RHEB: variants seen among roughly 807,000 people sequenced by gnomAD.
RHEB encodes Ras homolog, mTORC1 binding.
In RHEB, 2 loss-of-function variants were observed where a neutral mutation model predicts 28.8. The observed-to-expected ratio is 0.07, with a 90% CI of 0.03 to 0.22. RHEB has a LOEUF of 0.22. Among genes scored for constraint, RHEB ranks in the 10% least tolerant of loss-of-function variants. RHEB has a pLI of 1.00. For synonymous variants in RHEB, 69 were observed against 77.3 expected (o/e 0.89, Z 0.56); for missense variants, 76 against 219.9 (o/e 0.35, Z 4.14).
chr7:151,477,497 C>G, intron 3 of RHEB, 82 bp from the exon 4 acceptor site: 1 of 759,800 alleles, frequency 1.3e-6, no homozygotes, highest in South Asian at 1.6e-5. Context: ...CATGTATTAC[C>G]TGAAGAAATC....
chr7:151,510,538 TAG>T, intron 1 of RHEB, among the ~76,000 whole-genome samples: 3 of 152,202 alleles, frequency 2.0e-5, no homozygotes, highest in African/African-American at 7.2e-5. Context: ...TTATTCTCAG[TAG>T]CAGGAACAAG....
At chr7:151,498,802 A>G (rs771379950) in intron 1 of RHEB, among the ~76,000 whole-genome samples, 1 of 149,364 alleles carries the variant, frequency 6.7e-6, no homozygotes, top group African/African-American at 2.6e-5. Flanking sequence ...CCTTTTGTAG[A>G]ATAAGATTAA....
chr7:151,466,965 G>A lies in RHEB; in HGVS notation c.*154C>T, dbSNP rs1167795491. 3.3e-6 allele frequency: 2 copies of A among 605,882 alleles called. No homozygotes were observed. The highest frequency in any genetic ancestry group is 3.7e-5 in the African/African-American group (2 of 53,732). 37.5% of individuals were successfully genotyped at this position (605,882 alleles called of 1,614,324 possible). ...GTGAACTCATTTGGACAGACTCAGA[G>A]TTAACATAATCTGAAGGGAGGGGAG... is the stretch of plus-strand genomic sequence containing the variant. On this transcript the variant is annotated 3_prime_UTR_variant, in exon 8 of 8. Transcript: ENST00000262187.
At chr7:151,485,747 G>T (rs763370313) in intron 2 of RHEB, among the ~76,000 whole-genome samples, 1 of 152,202 alleles carries the variant, frequency 6.6e-6, no homozygotes, top group Non-Finnish European at 1.5e-5. Flanking sequence ...ATTGATCAGA[G>T]ATCTTATCTG....
chr7:151,476,427 T>C lies in RHEB; in HGVS notation c.275+906A>G, dbSNP rs558475119. On this transcript the variant is annotated intron_variant, in intron 4 of 7. Transcript: ENST00000262187. Reference sequence around the variant, plus strand: ...ACACTTCTATCACCGCAGTAAGTTCTATTGGACAGTGTCAGCCTTGACTGT... The same window carrying C: ...ACACTTCTATCACCGCAGTAAGTTCCATTGGACAGTGTCAGCCTTGACTGT... Among the ~76,000 whole-genome samples, 13 of 152,346 alleles carry C rather than the reference T, an allele frequency of 8.5e-5. No homozygotes were observed. In the South Asian group the frequency reaches 2.7e-3, roughly 32 times the overall value.
At chr7:151,500,310 ATC>A (rs1802751630) in intron 1 of RHEB, among the ~76,000 whole-genome samples, 1 of 152,180 alleles carries the variant, frequency 6.6e-6, no homozygotes, top group African/African-American at 2.4e-5. Context: ...GAAAAAATTA[ATC>A]TCTAAGAAAA....
At chr7:151,519,344 C>T (rs1803139726) in intron 1 of RHEB, 116 bp downstream of exon 1, 6 of 690,286 alleles carry the variant, frequency 8.7e-6, no homozygotes, top group Non-Finnish European at 1.2e-5. Context: ...CGCGCGGCCC[C>T]CGCCCGCCCC....
intron 4 of RHEB, 186 bp from the exon 5 acceptor site, chr7:151,471,791 A>G (rs896728174): frequency 2.1e-5 from 11 of 524,632 alleles, no homozygotes; most frequent in Non-Finnish European, 3.4e-5. Flanking sequence ...TCTGACACTC[A>G]GCAACCCTGA....
intron 1 of RHEB, 62 bp downstream of exon 1, chr7:151,519,398 G>T: frequency 1.6e-6 from 2 of 1,236,864 alleles, no homozygotes; most frequent in South Asian, 4.7e-5. Context: ...GCCCGGCCGC[G>T]ACCCGGCTCC....
At chr7:151,476,613 T>C (rs1275820000) in intron 4 of RHEB, among the ~76,000 whole-genome samples, 1 of 152,220 alleles carries the variant, frequency 6.6e-6, no homozygotes, top group Admixed American at 6.5e-5. Flanking sequence ...GTATCATATG[T>C]AGGCAAAGAG....
chr7:151,518,875 G>C (rs1297115754), intron 1 of RHEB, among the ~76,000 whole-genome samples: 1 of 152,096 alleles, frequency 6.6e-6, no homozygotes, highest in African/African-American at 2.4e-5. Flanking sequence ...CCTCTTTTGG[G>C]GGATCGCCTA....
chr7:151,503,303 A>C, intron 1 of RHEB: 1 of 807,494 alleles, frequency 1.2e-6, no homozygotes, highest in Non-Finnish European at 2.3e-6. Flanking sequence ...AACTATAAAA[A>C]ATTTGGAGCT....
intron 4 of RHEB, among the ~76,000 whole-genome samples, chr7:151,476,876 T>G (rs1802281653): frequency 6.6e-6 from 1 of 152,226 alleles, no homozygotes; most frequent in South Asian, 2.1e-4. Flanking sequence ...CCATTCTTAT[T>G]AATAAAAATA....
At chr7:151,469,724 T>C (rs1464707051) in intron 7 of RHEB, among the ~76,000 whole-genome samples, 1 of 151,880 alleles carries the variant, frequency 6.6e-6, no homozygotes, top group Non-Finnish European at 1.5e-5. Context: ...GAAAGTGGGG[T>C]GGACAGGAGA....
At chr7:151,503,021 C>T (rs1040202281) in intron 1 of RHEB, 9 of 783,584 alleles carry the variant, frequency 1.1e-5, no homozygotes, top group Admixed American at 6.8e-5. Flanking sequence ...ATCAATAGAA[C>T]GATACTTTGA....
intron 3 of RHEB, among the ~76,000 whole-genome samples, chr7:151,482,528 C>A (rs2150925396): frequency 6.6e-6 from 1 of 152,350 alleles, no homozygotes; most frequent in East Asian, 1.9e-4. Context: ...TTGCCTGATA[C>A]AAAACGTGTT....
chr7:151,503,149 T>C (rs919544977), intron 1 of RHEB: 16 of 791,514 alleles, frequency 2.0e-5, no homozygotes, highest in African/African-American at 6.8e-5. Flanking sequence ...TAATGAGATA[T>C]GTTCTTTATT....
chr7:151,509,987 T>C (rs978011373), intron 1 of RHEB, among the ~76,000 whole-genome samples: 7 of 152,220 alleles, frequency 4.6e-5, no homozygotes, highest in African/African-American at 1.7e-4. Flanking sequence ...TGCCAGTCCC[T>C]GGTATAGATC....
intron 6 of RHEB, 129 bp from the exon 7 acceptor site, chr7:151,470,781 T>C (rs1802146962): frequency 1.6e-6 from 1 of 615,586 alleles, no homozygotes; most frequent in Non-Finnish European, 2.9e-6. Flanking sequence ...TGCCCTGGCC[T>C]AACATTAGCA....
Sources: gnomAD v4.1 joint callset for allele counts (sites outside exome capture counted in the v4.1 genomes callset) on GRCh38, gnomAD v4.1.1 for gene constraint, MANE v1.5 for transcripts, NCBI Gene and HGNC (gene_info 2026-07-23, HGNC 2026-07-21) for gene names.